Variants in SYN2 observed in about 807,000 individuals in gnomAD.
SYN2 encodes the protein synapsin II.
SYN2 carries 19 observed loss-of-function variants against 50.9 expected under a neutral mutation model. That is an observed-to-expected ratio of 0.37 (90% CI 0.26 to 0.55). The LOEUF (loss-of-function observed/expected upper bound fraction) is 0.55, where lower values mean the gene tolerates loss of function less well. Among genes scored for constraint, SYN2 ranks in the 20% least tolerant of loss-of-function variants. The pLI, the probability that SYN2 is intolerant of heterozygous loss-of-function variation, is 0.81. For synonymous variants in SYN2, 255 were observed against 224.9 expected (o/e 1.13, Z -1.20); for missense variants, 587 against 576.4 (o/e 1.02, Z -0.19).
intron 1 of SYN2, among the ~76,000 whole-genome samples, chr3:12,020,091 C>T (rs1023153620): frequency 5.3e-5 from 8 of 152,152 alleles, no homozygotes; most frequent in African/African-American, 1.7e-4. Flanking sequence ...TTTGTTAATG[C>T]TTATAATACT....
chr3:12,161,824 C>A, intron 6 of SYN2, 188 bp from the exon 7 acceptor site: 1 of 994,718 alleles, frequency 1.0e-6, no homozygotes, highest in African/African-American at 1.6e-5. Context: ...TCCTTTGCAG[C>A]AAGTGTGGCC....
rs1434887310 is a variant in SYN2 at position 12,088,460 on chromosome 3, A to G, written c.378-52191A>G. ...AGGGTGCACTATTGGTGGGAAGGTA[A>G]ATTAGTATAGCCATTTTGGAAAACG... On this transcript the variant is annotated intron_variant, in intron 1 of 12. Coordinates refer to ENST00000621198, the MANE Select transcript of SYN2 (RefSeq NM_133625.6). 2.0e-5 allele frequency among the ~76,000 whole-genome samples: 3 copies of G among 152,288 alleles called. No homozygotes were observed. In the South Asian group the frequency reaches 6.2e-4, roughly 32 times the overall value.
At chr3:12,006,046 T>C (rs1223133993) in intron 1 of SYN2, among the ~76,000 whole-genome samples, 1 of 152,048 alleles carries the variant, frequency 6.6e-6, no homozygotes, top group East Asian at 1.9e-4. Context: ...GACCTGAGTG[T>C]TCTTCCCAGG....
At chr3:12,053,650 A>G (rs183112428) in intron 1 of SYN2, among the ~76,000 whole-genome samples, 20 of 152,200 alleles carry the variant, frequency 1.3e-4, no homozygotes, top group East Asian at 1.9e-4. Flanking sequence ...TATGATTACA[A>G]TGTTTACCAT....
chr3:12,068,834 G>A (rs1028706919), intron 1 of SYN2, among the ~76,000 whole-genome samples: 4 of 152,114 alleles, frequency 2.6e-5, no homozygotes, highest in Admixed American at 6.5e-5. Context: ...CTGCAGGGTT[G>A]TGCAACTACC....
intron 1 of SYN2, among the ~76,000 whole-genome samples, chr3:12,085,324 A>G (rs1307652888): frequency 1.4e-5 from 2 of 146,696 alleles, no homozygotes; most frequent in East Asian, 3.9e-4. Flanking sequence ...AGACATAATA[A>G]TCATATATAT....
At chr3:12,017,860 G>C (rs1186799482) in intron 1 of SYN2, among the ~76,000 whole-genome samples, 1 of 152,158 alleles carries the variant, frequency 6.6e-6, no homozygotes. Flanking sequence ...CCTTCATTTT[G>C]GTTCGAGCAA....
chr3:12,115,521 A>G (rs1012998908), intron 1 of SYN2, among the ~76,000 whole-genome samples: 2 of 152,218 alleles, frequency 1.3e-5, no homozygotes, highest in African/African-American at 4.8e-5. Context: ...CATATATCAG[A>G]TGAAACCTTC....
At chr3:12,123,677 G>GTGGCTCATGCCTGTAATCCTAGCACTT (rs1353403538) in intron 1 of SYN2, among the ~76,000 whole-genome samples, 3 of 152,164 alleles carry the variant, frequency 2.0e-5, no homozygotes, top group Non-Finnish European at 4.4e-5. Context: ...GCCAGGCACA[G>GTGGCTCATGCCTGTAATCCTAGCACTT]TGGCTCATGC....
At chr3:12,113,760 T>C (rs1369022618) in intron 1 of SYN2, among the ~76,000 whole-genome samples, 1 of 152,226 alleles carries the variant, frequency 6.6e-6, no homozygotes, top group African/African-American at 2.4e-5. Flanking sequence ...GTTTAATTCA[T>C]GTTGTAGTGT....
chr3:12,160,042 C>CAAAAAA (rs3079818), intron 5 of SYN2, among the ~76,000 whole-genome samples: 7 of 67,594 alleles, frequency 1.0e-4, no homozygotes, highest in South Asian at 7.2e-4. Flanking sequence ...GACTCCGTCT[C>CAAAAAA]AAAAAAAAAA....
chr3:12,034,107 G>T (rs1362682670), intron 1 of SYN2, among the ~76,000 whole-genome samples: 1 of 152,204 alleles, frequency 6.6e-6, no homozygotes, highest in African/African-American at 2.4e-5. Context: ...GGTACTGCCA[G>T]ACTGTTTTCC....
intron 1 of SYN2, among the ~76,000 whole-genome samples, chr3:12,011,708 T>C (rs1310120152): frequency 6.6e-6 from 1 of 152,228 alleles, no homozygotes; most frequent in Non-Finnish European, 1.5e-5. Context: ...CTTATGGCCT[T>C]ATCAGGTTTA....
chr3:12,039,924 A>G (rs1429984693), intron 1 of SYN2, among the ~76,000 whole-genome samples: 1 of 152,198 alleles, frequency 6.6e-6, no homozygotes, highest in Non-Finnish European at 1.5e-5. Flanking sequence ...GTATGAATGA[A>G]ATGCAAGTTG....
At chr3:12,126,190 G>C (rs988181132) in intron 1 of SYN2, among the ~76,000 whole-genome samples, 1 of 152,202 alleles carries the variant, frequency 6.6e-6, no homozygotes, top group Admixed American at 6.5e-5. Context: ...CAAGGTTTCT[G>C]CTTCATCATT....
chr3:12,048,102 C>T (rs1350960002), intron 1 of SYN2, among the ~76,000 whole-genome samples: 1 of 152,116 alleles, frequency 6.6e-6, no homozygotes, highest in Non-Finnish European at 1.5e-5. Flanking sequence ...AAGATTTAGC[C>T]TTTTTATGCC....
At chr3:12,115,705 C>T (rs1042382614) in intron 1 of SYN2, among the ~76,000 whole-genome samples, 1 of 152,090 alleles carries the variant, frequency 6.6e-6, no homozygotes, top group East Asian at 1.9e-4. Flanking sequence ...ATTTTTGCCT[C>T]CCTAAATTTA....
At chr3:12,024,676 G>A (rs1468627961) in intron 1 of SYN2, among the ~76,000 whole-genome samples, 1 of 152,130 alleles carries the variant, frequency 6.6e-6, no homozygotes, top group Non-Finnish European at 1.5e-5. Context: ...CACAGTTTAT[G>A]CATTCTGCTA....
At chr3:12,007,433 T>C (rs965344362) in intron 1 of SYN2, among the ~76,000 whole-genome samples, 2 of 152,086 alleles carry the variant, frequency 1.3e-5, no homozygotes, top group African/African-American at 4.8e-5. Flanking sequence ...AATTGATGAG[T>C]GGTTTTATTG....
Sources: gnomAD v4.1 joint callset for allele counts (sites outside exome capture counted in the v4.1 genomes callset) on GRCh38, gnomAD v4.1.1 for gene constraint, MANE v1.5 for transcripts, NCBI Gene and HGNC (gene_info 2026-07-23, HGNC 2026-07-21) for gene names.